Variants in CNTN6 observed in about 807,000 individuals in gnomAD.
CNTN6 encodes the protein contactin-6.
Under a neutral mutation model 122.8 loss-of-function variants are expected in CNTN6, and 137 were observed. That is an observed-to-expected ratio of 1.12 (90% CI 0.97 to 1.29). The LOEUF (loss-of-function observed/expected upper bound fraction) is 1.29, where lower values mean the gene tolerates loss of function less well. CNTN6 is among the 50% of genes most tolerant of loss of function. The probability of loss-of-function intolerance (pLI) is 0.00; values close to 1 mark genes in which losing one functional copy is unlikely to be tolerated. For missense variants in CNTN6, 1,634 were observed against 1,223.4 expected (o/e 1.34, Z -5.01); for synonymous variants, 570 against 426.0 (o/e 1.34, Z -4.16).
intron 4 of CNTN6, among the ~76,000 whole-genome samples, chr3:1,237,389 A>T (rs988628283): frequency 3.9e-5 from 6 of 152,242 alleles, no homozygotes; most frequent in African/African-American, 1.4e-4. Context: ...GCTTCCAAGA[A>T]GTTTGAGACT....
At chr3:1,156,037 T>A (rs1395343377) in intron 2 of CNTN6, among the ~76,000 whole-genome samples, 1 of 152,244 alleles carries the variant, frequency 6.6e-6, no homozygotes, top group Non-Finnish European at 1.5e-5. Flanking sequence ...AGTTCTCCAA[T>A]TAATTCAATT....
chr3:1,319,258 A>G (rs1700519643), intron 7 of CNTN6, among the ~76,000 whole-genome samples: 1 of 151,618 alleles, frequency 6.6e-6, no homozygotes, highest in African/African-American at 2.4e-5. Context: ...ACCTAACACA[A>G]CAGCTGTGAA....
At chr3:1,154,448 C>CTTTTCTTTTTT (rs1575043271) in intron 2 of CNTN6, among the ~76,000 whole-genome samples, 8 of 140,478 alleles carry the variant, frequency 5.7e-5, no homozygotes, top group African/African-American at 2.2e-4. Context: ...TCTTTTCTTT[C>CTTTTCTTTTTT]TTTTTTTTTT....
chr3:1,243,686 G>A (rs2094519708), intron 4 of CNTN6, among the ~76,000 whole-genome samples: 1 of 152,174 alleles, frequency 6.6e-6, no homozygotes, highest in Non-Finnish European at 1.5e-5. Flanking sequence ...CCTTGACTAT[G>A]CCTTTGGCTC....
At chr3:1,179,710 TCTC>T (rs1287225995) in intron 2 of CNTN6, among the ~76,000 whole-genome samples, 1 of 152,116 alleles carries the variant, frequency 6.6e-6, no homozygotes, top group Non-Finnish European at 1.5e-5. Context: ...TGGCTGCTGT[TCTC>T]CTCCCCATGT....
chr3:1,186,923 G>A (rs3772360), intron 2 of CNTN6, among the ~76,000 whole-genome samples: 36,469 of 151,694 alleles, frequency 0.24, 5,286 homozygotes, highest in East Asian at 0.5. Flanking sequence ...CAGATAGAAA[G>A]GAAGTCTTTC....
At chr3:1,226,014 C>T (rs944194586) in intron 3 of CNTN6, among the ~76,000 whole-genome samples, 3 of 152,060 alleles carry the variant, frequency 2.0e-5, no homozygotes, top group African/African-American at 4.8e-5. Flanking sequence ...TGTTTGAAGA[C>T]GCGCCCGAAG....
intron 2 of CNTN6, among the ~76,000 whole-genome samples, chr3:1,186,718 A>T (rs571447790): frequency 2.6e-5 from 4 of 152,072 alleles, no homozygotes; most frequent in Non-Finnish European, 4.4e-5. Context: ...CTGGCTGGAG[A>T]CCTTTTACAG....
At chr3:1,236,807 G>T (rs115960543) in intron 4 of CNTN6, among the ~76,000 whole-genome samples, 1 of 152,144 alleles carries the variant, frequency 6.6e-6, no homozygotes, top group Admixed American at 6.5e-5. Context: ...GAGACCAGGC[G>T]CGGTGGCTCA....
At chr3:1,356,279 G>A (rs1197912829) in intron 12 of CNTN6, among the ~76,000 whole-genome samples, 1 of 151,774 alleles carries the variant, frequency 6.6e-6, no homozygotes, top group Non-Finnish European at 1.5e-5. Flanking sequence ...AGAAGTTTTG[G>A]ATGTTCAATT....
At chr3:1,295,283 AAC>A (rs1696013037) in intron 5 of CNTN6, among the ~76,000 whole-genome samples, 1 of 152,212 alleles carries the variant, frequency 6.6e-6, no homozygotes, top group African/African-American at 2.4e-5. Context: ...GTACATTTGG[AAC>A]AGTTATTATT....
chr3:1,148,678 G>A (rs897041961), intron 2 of CNTN6, among the ~76,000 whole-genome samples: 6 of 152,038 alleles, frequency 3.9e-5, no homozygotes, highest in African/African-American at 1.2e-4. Context: ...AATAAGCCAC[G>A]CCAAATGTGA....
intron 1 of CNTN6, among the ~76,000 whole-genome samples, chr3:1,095,885 G>A (rs1401644037): frequency 6.6e-6 from 1 of 152,044 alleles, no homozygotes; most frequent in African/African-American, 2.4e-5. Flanking sequence ...AATTTGTAAG[G>A]AATTATCCTT....
At chr3:1,343,716 CTATATA>C (rs200912959) in intron 11 of CNTN6, among the ~76,000 whole-genome samples, 1 of 151,602 alleles carries the variant, frequency 6.6e-6, no homozygotes, top group Non-Finnish European at 1.5e-5. Flanking sequence ...CTCTCTCTCT[CTATATA>C]TATATAGCAT....
intron 11 of CNTN6, among the ~76,000 whole-genome samples, chr3:1,339,114 A>G (rs975036308): frequency 2.6e-5 from 4 of 151,616 alleles, no homozygotes; most frequent in Non-Finnish European, 5.9e-5. Flanking sequence ...TCTTTTTTTC[A>G]TAGTAGAACT....
intron 4 of CNTN6, among the ~76,000 whole-genome samples, chr3:1,255,049 A>T (rs961142138): frequency 6.6e-6 from 1 of 152,118 alleles, no homozygotes. Context: ...TCTTCTGCAC[A>T]TGGCCTCTCA....
At chr3:1,301,125 G>A (rs978274649) in intron 7 of CNTN6, among the ~76,000 whole-genome samples, 4 of 139,178 alleles carry the variant, frequency 2.9e-5, no homozygotes, top group South Asian at 2.3e-4. Context: ...CAACCTCCGC[G>A]TCCCCGGTTC....
intron 11 of CNTN6, among the ~76,000 whole-genome samples, chr3:1,336,746 T>C (rs1703128815): frequency 6.6e-6 from 1 of 152,096 alleles, no homozygotes; most frequent in Non-Finnish European, 1.5e-5. Flanking sequence ...GAACAAGCGG[T>C]GCTTCTTCAA....
At chr3:1,159,822 TTC>T (rs201905386) in intron 2 of CNTN6, among the ~76,000 whole-genome samples, 14 of 143,244 alleles carry the variant, frequency 9.8e-5, no homozygotes, top group East Asian at 4.4e-4. Flanking sequence ...TCGTTTGTTT[TTC>T]TTTTTCCCCC....
Sources: gnomAD v4.1 joint callset for allele counts (sites outside exome capture counted in the v4.1 genomes callset) on GRCh38, gnomAD v4.1.1 for gene constraint, MANE v1.5 for transcripts, NCBI Gene and HGNC (gene_info 2026-07-23, HGNC 2026-07-21) for gene names.